KLF8: variants seen among roughly 807,000 people sequenced by gnomAD.
KLF8 encodes the protein KLF transcription factor 8.
A neutral mutation model predicts 18.2 loss-of-function variants in KLF8; 10 were observed. That is an observed-to-expected ratio of 0.55 (90% CI 0.34 to 0.93). The LOEUF is 0.93. Ranked by LOEUF, KLF8 falls within the 40% of genes least tolerant of loss-of-function variation. KLF8 has a pLI of 0.02. For missense variants in KLF8, 264 were observed against 277.9 expected, an observed-to-expected ratio of 0.95 and a Z score of 0.36; for synonymous variants, 109 against 97.3, an observed-to-expected ratio of 1.12 and a Z score of -0.71.
the KLF8 span, among the ~76,000 whole-genome samples, chrX:56,172,152 A>T: frequency 1.8e-5 from 2 of 110,206 alleles, no homozygotes; most frequent in Non-Finnish European, 3.8e-5. Context: ...ACAGGTGTAC[A>T]ACATGCAGGT....
the KLF8 span, among the ~76,000 whole-genome samples, chrX:55,965,536 A>G: frequency 1.8e-5 from 2 of 111,757 alleles, no homozygotes; most frequent in Non-Finnish European, 3.8e-5. Flanking sequence ...GCTAACCTGA[A>G]CAATCAGGCA....
the KLF8 span, among the ~76,000 whole-genome samples, chrX:55,993,966 A>T: frequency 3.0e-5 from 3 of 101,037 alleles, no homozygotes; most frequent in Non-Finnish European, 5.9e-5. Flanking sequence ...GCTGGAGTGC[A>T]GTGGTGCGAT....
At chrX:56,151,275 T>C in the KLF8 span, among the ~76,000 whole-genome samples, 1 of 111,491 alleles carries the variant, frequency 9.0e-6, no homozygotes, top group Non-Finnish European at 1.9e-5. Flanking sequence ...AGTCTTTTTT[T>C]CTCACTTAAC....
chrX:56,062,905 C>A, the KLF8 span, among the ~76,000 whole-genome samples: 1 of 110,377 alleles, frequency 9.1e-6, no homozygotes, highest in South Asian at 3.8e-4. Context: ...TGTTTTATTT[C>A]ATTAAGTTGA....
At chrX:56,221,035 G>A in the KLF8 span, among the ~76,000 whole-genome samples, 1 of 111,229 alleles carries the variant, frequency 9.0e-6, no homozygotes, top group Non-Finnish European at 1.9e-5. Context: ...TTATATTCTC[G>A]GCAAAATAAT....
At chrX:55,951,669 T>C in the KLF8 span, among the ~76,000 whole-genome samples, 1 of 109,745 alleles carries the variant, frequency 9.1e-6, no homozygotes, top group Non-Finnish European at 1.9e-5. Context: ...TGGCTAATTA[T>C]GTGGACATAT....
the KLF8 span, among the ~76,000 whole-genome samples, chrX:56,082,814 G>A: frequency 1.7e-4 from 19 of 111,425 alleles, no homozygotes; most frequent in African/African-American, 6.2e-4. Context: ...TGAATTCTTG[G>A]TTGGCAGTTT....
At chrX:56,103,784 T>C in the KLF8 span, among the ~76,000 whole-genome samples, 2 of 111,648 alleles carry the variant, frequency 1.8e-5, no homozygotes, top group African/African-American at 6.5e-5. Flanking sequence ...ATGCCTTTCT[T>C]GTGCCAGTTT....
At chrX:56,119,465 G>A in the KLF8 span, among the ~76,000 whole-genome samples, 11 of 110,750 alleles carry the variant, frequency 9.9e-5, no homozygotes, top group African/African-American at 3.6e-4. Flanking sequence ...GTGCAGTGGC[G>A]TGATCTTGGC....
At chrX:56,227,931 C>T (rs954012567), upstream of KLF8, among the ~76,000 whole-genome samples, 71 of 107,476 alleles carry the variant, frequency 6.6e-4, no homozygotes, top group African/African-American at 2.3e-3. Context: ...AGTCAAGCTC[C>T]TTGCTCATAA....
chrX:56,137,923 C>A, the KLF8 span, among the ~76,000 whole-genome samples: 3 of 106,897 alleles, frequency 2.8e-5, no homozygotes, highest in Admixed American at 1.0e-4. Context: ...AAATTTAGCT[C>A]TTTGAAGGAA....
the KLF8 span, among the ~76,000 whole-genome samples, chrX:56,147,153 CA>C: frequency 1.8e-5 from 2 of 112,147 alleles, no homozygotes; most frequent in East Asian, 2.8e-4. Flanking sequence ...ATCATATAAT[CA>C]GGGGGAAATG....
chrX:56,136,163 T>A, the KLF8 span, among the ~76,000 whole-genome samples: 1 of 111,521 alleles, frequency 9.0e-6, no homozygotes, highest in Non-Finnish European at 1.9e-5. Flanking sequence ...ATTGTGAAAA[T>A]GACCATACTG....
At chrX:56,205,616 A>AT in the KLF8 span, among the ~76,000 whole-genome samples, 1 of 111,905 alleles carries the variant, frequency 8.9e-6, no homozygotes, top group Non-Finnish European at 1.9e-5. Flanking sequence ...TTGGCCTGTA[A>AT]TTTTTTTATA....
chrX:56,015,011 G>A, the KLF8 span: 1 of 108,660 alleles, frequency 9.2e-6, no homozygotes, highest in Non-Finnish European at 1.9e-5. Flanking sequence ...TATGGCAGGA[G>A]GGAAAGCATC....
intron 1 of KLF8, among the ~76,000 whole-genome samples, chrX:56,236,848 T>TTGTGTGTG (rs3052510): frequency 5.3e-5 from 5 of 95,077 alleles, no homozygotes; most frequent in African/African-American, 2.0e-4. Context: ...ATGAGTATGT[T>TTGTGTGTG]TGTGTGTGTG....
chrX:56,058,721 T>C, the KLF8 span, among the ~76,000 whole-genome samples: 1 of 111,161 alleles, frequency 9.0e-6, no homozygotes, highest in Non-Finnish European at 1.9e-5. Flanking sequence ...ATGGTGTATA[T>C]GTGCCACATT....
chrX:56,073,432 C>T, the KLF8 span, among the ~76,000 whole-genome samples: 1 of 111,833 alleles, frequency 8.9e-6, no homozygotes, highest in East Asian at 2.8e-4. Flanking sequence ...CCTCCTATTG[C>T]TCATTGTGAG....
chrX:55,983,719 G>C, the KLF8 span, among the ~76,000 whole-genome samples: 3 of 111,140 alleles, frequency 2.7e-5, no homozygotes, highest in African/African-American at 9.8e-5. Context: ...TTGTGTACCT[G>C]TCAAATGGAT....
Sources: gnomAD v4.1 joint callset for allele counts (sites outside exome capture counted in the v4.1 genomes callset) on GRCh38, gnomAD v4.1.1 for gene constraint, MANE v1.5 for transcripts, NCBI Gene and HGNC (gene_info 2026-07-23, HGNC 2026-07-21) for gene names.